Variants in CACNA2D3 observed in about 807,000 individuals in gnomAD.
CACNA2D3 encodes voltage-dependent calcium channel subunit alpha-2/delta-3.
In CACNA2D3, 60 loss-of-function variants were observed where a neutral mutation model predicts 160.6. The observed-to-expected ratio is 0.37, with a 90% CI of 0.30 to 0.46. CACNA2D3 has a LOEUF of 0.46. CACNA2D3 is among the 20% of genes least tolerant of loss of function. The pLI, the probability that CACNA2D3 is intolerant of heterozygous loss-of-function variation, is 1.00. For missense variants in CACNA2D3, 1,205 were observed against 1,365.0 expected (o/e 0.88, Z 1.85); for synonymous variants, 558 against 492.9 (o/e 1.13, Z -1.75).
At chr3:54,743,413 AG>A (rs1701691111) in intron 11 of CACNA2D3, among the ~76,000 whole-genome samples, 1 of 152,170 alleles carries the variant, frequency 6.6e-6, no homozygotes, top group Non-Finnish European at 1.5e-5. Flanking sequence ...AAGTCTAGAA[AG>A]CCAGAAGGAG....
intron 4 of CACNA2D3, among the ~76,000 whole-genome samples, chr3:54,472,912 G>A (rs1233808886): frequency 6.6e-6 from 1 of 152,162 alleles, no homozygotes; most frequent in Admixed American, 6.5e-5. Context: ...AACATTCCTT[G>A]CTCATGGATA....
At chr3:55,072,467 T>A (rs1439767581) in intron 35 of CACNA2D3, among the ~76,000 whole-genome samples, 1 of 152,190 alleles carries the variant, frequency 6.6e-6, no homozygotes, top group African/African-American at 2.4e-5. Context: ...ACCATGGTGA[T>A]ATACTCAAAA....
intron 2 of CACNA2D3, among the ~76,000 whole-genome samples, chr3:54,287,068 C>A (rs1703048639): frequency 1.3e-5 from 2 of 151,982 alleles, no homozygotes. Flanking sequence ...ATCAAATTCA[C>A]ACATAACAAT....
intron 4 of CACNA2D3, among the ~76,000 whole-genome samples, chr3:54,459,751 T>G (rs961876390): frequency 1.3e-5 from 2 of 152,178 alleles, no homozygotes; most frequent in Non-Finnish European, 2.9e-5. Context: ...TAGTTTCTTT[T>G]GCTGTGCAGA....
chr3:54,681,476 A>G (rs993038996), intron 11 of CACNA2D3, among the ~76,000 whole-genome samples: 4 of 150,582 alleles, frequency 2.7e-5, no homozygotes, highest in Admixed American at 1.3e-4. Context: ...AAATCGCTCA[A>G]ACCCAGGAGG....
At chr3:54,808,921 CTG>C (rs930335012) in intron 13 of CACNA2D3, among the ~76,000 whole-genome samples, 1 of 152,144 alleles carries the variant, frequency 6.6e-6, no homozygotes, top group African/African-American at 2.4e-5. Context: ...CCTAAGTACT[CTG>C]GAGGTTACGA....
intron 3 of CACNA2D3, among the ~76,000 whole-genome samples, chr3:54,374,216 C>T (rs1429499564): frequency 6.6e-6 from 1 of 152,206 alleles, no homozygotes; most frequent in East Asian, 1.9e-4. Context: ...AAGCCACCAC[C>T]AACGATCTCC....
intron 2 of CACNA2D3, among the ~76,000 whole-genome samples, chr3:54,307,964 G>A (rs1452896774): frequency 6.6e-6 from 1 of 152,210 alleles, no homozygotes; most frequent in Non-Finnish European, 1.5e-5. Flanking sequence ...TGTTTATAAT[G>A]TATTCCTTTC....
chr3:54,924,715 G>A (rs754986753), intron 27 of CACNA2D3: 1 of 1,614,108 alleles, frequency 6.2e-7, no homozygotes, highest in Non-Finnish European at 8.5e-7. Context: ...CTCACACTGG[G>A]CATGGATTCC....
At chr3:54,220,486 TG>T (rs1017642121) in intron 2 of CACNA2D3, among the ~76,000 whole-genome samples, 4 of 152,168 alleles carry the variant, frequency 2.6e-5, no homozygotes, top group African/African-American at 9.7e-5. Flanking sequence ...ATGGGACAAC[TG>T]GGTCCAAAAG....
At chr3:54,843,050 C>T (rs540910497) in intron 16 of CACNA2D3, among the ~76,000 whole-genome samples, 38 of 150,974 alleles carry the variant, frequency 2.5e-4, no homozygotes, top group African/African-American at 8.3e-4. Context: ...CAACTTCCAC[C>T]TCCCGGGTTC....
At chr3:54,694,996 T>C in intron 11 of CACNA2D3, among the ~76,000 whole-genome samples, 1 of 152,164 alleles carries the variant, frequency 6.6e-6, no homozygotes, top group East Asian at 1.9e-4. Flanking sequence ...CCCTATCATG[T>C]CATTACCACT....
chr3:54,519,591 T>C (rs767126514), intron 5 of CACNA2D3, among the ~76,000 whole-genome samples: 12 of 152,208 alleles, frequency 7.9e-5, no homozygotes, highest in Non-Finnish European at 1.3e-4. Context: ...AATGATAATA[T>C]CTTTTCCTAT....
At chr3:54,311,475 A>C (rs1703741970) in intron 2 of CACNA2D3, among the ~76,000 whole-genome samples, 1 of 152,092 alleles carries the variant, frequency 6.6e-6, no homozygotes, top group Admixed American at 6.6e-5. Flanking sequence ...ACTTTGACTA[A>C]TCCATCATTT....
intron 4 of CACNA2D3, among the ~76,000 whole-genome samples, chr3:54,485,349 A>C (rs1038227184): frequency 6.6e-6 from 1 of 152,164 alleles, no homozygotes; most frequent in African/African-American, 2.4e-5. Flanking sequence ...ACTTGAACCA[A>C]GGAAGTCTAG....
At chr3:54,444,610 C>G (rs1700192539) in intron 4 of CACNA2D3, among the ~76,000 whole-genome samples, 1 of 152,154 alleles carries the variant, frequency 6.6e-6, no homozygotes. Context: ...TCAAGGAGGC[C>G]ACATAACATG....
rs542132776 is a variant in CACNA2D3, at chr3:54,687,977, G to A, written c.1167+45736G>A. ...TTTTGTTTTGTTTTTAAACTCATGA[G>A]TAGAACTCTGTGAATCTACTTGTCT... On this transcript the variant is annotated intron_variant, in intron 11 of 37. Coordinates refer to ENST00000474759, the MANE Select transcript of CACNA2D3 (RefSeq NM_018398.3). 5.9e-5 allele frequency among the ~76,000 whole-genome samples: 9 copies of A among 152,298 alleles called. No homozygotes were observed. The South Asian group carries it at 1.9e-3, about 32-fold the overall frequency.
intron 11 of CACNA2D3, among the ~76,000 whole-genome samples, chr3:54,748,827 G>A (rs1701806222): frequency 6.6e-6 from 1 of 152,162 alleles, no homozygotes; most frequent in South Asian, 2.1e-4. Context: ...GTTACGTGGT[G>A]CTTCCTAGGG....
intron 2 of CACNA2D3, among the ~76,000 whole-genome samples, chr3:54,311,575 T>A (rs576936454): frequency 3.3e-5 from 5 of 152,116 alleles, no homozygotes; most frequent in Non-Finnish European, 7.4e-5. Flanking sequence ...CTGGCAGGAG[T>A]AACATACCTC....
Sources: allele counts gnomAD v4.1 joint callset (sites outside exome capture counted in the v4.1 genomes callset), GRCh38; gene constraint gnomAD v4.1.1; transcripts MANE v1.5; gene names NCBI Gene and HGNC (gene_info 2026-07-23, HGNC 2026-07-21).